LMX1B: variants seen among roughly 807,000 people sequenced by gnomAD.
LMX1B encodes the protein LIM homeobox transcription factor 1 beta, also known as LIM homeobox transcription factor 1-beta.
A neutral mutation model predicts 51.4 loss-of-function variants in LMX1B; 12 were observed. The observed-to-expected ratio is 0.23, with a 90% CI of 0.15 to 0.38. The LOEUF is 0.38. Among genes scored for constraint, LMX1B ranks in the 10% least tolerant of loss-of-function variants. The probability of loss-of-function intolerance (pLI) is 1.00; values close to 1 mark genes in which losing one functional copy is unlikely to be tolerated. For synonymous variants in LMX1B, 237 were observed against 235.4 expected (o/e 1.01, Z -0.06); for missense variants, 445 against 571.1 (o/e 0.78, Z 2.25).
At chr9:126,637,590 CA>C (rs1483587303) in intron 2 of LMX1B, among the ~76,000 whole-genome samples, 1 of 151,976 alleles carries the variant, frequency 6.6e-6, no homozygotes, top group Non-Finnish European at 1.5e-5. Context: ...TGTGTCAGGG[CA>C]TGGGAAGGGC....
At chr9:126,682,083 CTTTT>C (rs71377953) in intron 2 of LMX1B, among the ~76,000 whole-genome samples, 116 of 53,380 alleles carry the variant, frequency 2.2e-3, no homozygotes, top group Admixed American at 4.3e-3. Flanking sequence ...TCCCCAGGGT[CTTTT>C]TTTTTTTTTT....
chr9:126,682,966 G>C (rs1836704322), intron 2 of LMX1B, among the ~76,000 whole-genome samples: 1 of 150,766 alleles, frequency 6.6e-6, no homozygotes, highest in Non-Finnish European at 1.5e-5. Context: ...GGGCCTCCCT[G>C]GCCAGGCTGG....
At chr9:126,655,456 G>A (rs947442682) in intron 2 of LMX1B, among the ~76,000 whole-genome samples, 1 of 152,272 alleles carries the variant, frequency 6.6e-6, no homozygotes, top group East Asian at 1.9e-4. Flanking sequence ...AGATGGTAAG[G>A]GGAGCTTTAA....
chr9:126,682,403 T>C (rs950313184), intron 2 of LMX1B, among the ~76,000 whole-genome samples: 2 of 152,184 alleles, frequency 1.3e-5, no homozygotes, highest in African/African-American at 4.8e-5. Flanking sequence ...TGCCTTGTAG[T>C]CACCATTCGT....
At position 126,618,180 on chromosome 9, in the gene LMX1B, G is replaced by A. The variant is rs1835338863; in HGVS notation, c.326+2611G>A. ...GATATTGTCGAGTCTGTGCGTCAGC[G>A]GTATTGAGAAATTAACAATCCCCCC... is the stretch of plus-strand genomic sequence containing the variant. On this transcript the variant is annotated intron_variant, in intron 2 of 7. Transcript: ENST00000373474. The surrounding 1 kb of genome is among the most constrained non-coding windows in gnomAD (Gnocchi z 4.5). Among the ~76,000 whole-genome samples, 1 of 152,102 alleles carries A rather than the reference G, an allele frequency of 6.6e-6. No individual in the cohort carries two copies. The highest frequency in any genetic ancestry group is 6.6e-5 in the Admixed American group (1 of 15,266).
In LMX1B at chr9:126,700,914, A is replaced by C. The variant is rs1285310472; in HGVS notation, c.*4463A>C. On this transcript the variant is annotated 3_prime_UTR_variant, in exon 8 of 8. Coordinates refer to ENST00000373474, the MANE Select transcript of LMX1B (RefSeq NM_001174147.2). ...ATTTATTAGCGTTTACCACACCACC[A>C]CCCCCACCCTGCCCTCCACTCTCAC... 1 of 151,190 alleles carries C rather than the reference A, an allele frequency of 6.6e-6. No individual in the cohort carries two copies. The highest frequency in any genetic ancestry group is 1.5e-5 in the Non-Finnish European group (1 of 67,834). The allele number at this position is 151,190 out of a possible 1,614,324, so 9.4% of individuals were successfully genotyped here.
rs1448010348 is a variant in LMX1B at position 126,614,476 on chromosome 9, G to T, written c.27G>T (p.Ser9=). The T allele has an allele frequency of 1.3e-6, 2 of 1,591,026 alleles. No homozygotes were observed. The highest frequency in any genetic ancestry group is 1.7e-6 in the Non-Finnish European group (2 of 1,169,504). Residue 9 remains serine, a synonymous_variant, in exon 1 of 8, where the codon TCG becomes TCT. Transcript: ENST00000373474. The part of the protein sequence containing the change: MDIATGPE[S]LERCFPRGQT... ...TGGATATAGCAACAGGTCCCGAGTCGCTGGAGAGGTGCTTCCCTCGCGGGC... is the reference window on the plus strand; with the variant it reads ...TGGATATAGCAACAGGTCCCGAGTCTCTGGAGAGGTGCTTCCCTCGCGGGC...
At chr9:126,693,705 G>A (rs1364990886) in intron 5 of LMX1B, 41 bp from the exon 6 acceptor site, 3 of 1,577,102 alleles carry the variant, frequency 1.9e-6, no homozygotes. Flanking sequence ...TGTGCCTGGG[G>A]GCGAGGGGCA....
chr9:126,651,537 C>A (rs376459079), intron 2 of LMX1B, among the ~76,000 whole-genome samples: 1 of 152,062 alleles, frequency 6.6e-6, no homozygotes, highest in Non-Finnish European at 1.5e-5. Flanking sequence ...TCTTCTCCCC[C>A]CCTCCCAACA....
rs1265069832 is a variant in LMX1B, at chr9:126,697,480, GGAGCTCACTAGGTCAGCGAGCCCACAGC to G, written c.*1030_*1057del. 2 of 152,518 alleles carry G rather than the reference GGAGCTCACTAGGTCAGCGAGCCCACAGC, an allele frequency of 1.3e-5. No homozygotes were observed. Among genetic ancestry groups the G allele is most frequent in the Non-Finnish European group, 2.9e-5 (2 of 68,266 alleles). The allele number at this position is 152,518 out of a possible 1,614,324, so 9.4% of individuals were successfully genotyped here. ...TCCCCTCACATACCTCCAGTGACAAGGAGCTCACTAGGTCAGCGAGCCCACAGCAGCTGTGCTGTCCTGCATCCCAGAG... is the reference window on the plus strand; with the variant it reads ...TCCCCTCACATACCTCCAGTGACAAGAGCTGTGCTGTCCTGCATCCCAGAG... On this transcript the variant is annotated 3_prime_UTR_variant, in exon 8 of 8. Coordinates refer to ENST00000373474, the MANE Select transcript of LMX1B (RefSeq NM_001174147.2).
intron 2 of LMX1B, among the ~76,000 whole-genome samples, chr9:126,686,114 C>T (rs1836761711): frequency 6.6e-6 from 1 of 151,900 alleles, no homozygotes; most frequent in Non-Finnish European, 1.5e-5. Context: ...CCCGTCTCTA[C>T]TAAAAAATAC....
intron 2 of LMX1B, among the ~76,000 whole-genome samples, chr9:126,640,398 G>A (rs1425567371): frequency 1.3e-5 from 2 of 152,228 alleles, no homozygotes; most frequent in Non-Finnish European, 2.9e-5. Context: ...CAGCTGCAGA[G>A]CCAAGAAGGC....
At position 126,615,720 on chromosome 9, in the gene LMX1B, G is replaced by T. The variant is rs1266518041; in HGVS notation, c.326+151G>T. On this transcript the variant is annotated intron_variant, in intron 2 of 7. Transcript: ENST00000373474. The surrounding 1 kb of genome is among the most constrained non-coding windows in gnomAD (Gnocchi z 6.0). ...GGGTTCCGAGAGCTGCGCGTCTTGGGGCTGGGGCGGACCAGCCCAGCCCAG... is the reference window on the plus strand; with the variant it reads ...GGGTTCCGAGAGCTGCGCGTCTTGGTGCTGGGGCGGACCAGCCCAGCCCAG... The T allele has an allele frequency of 1.4e-6, 1 of 701,948 alleles. No individual in the cohort carries two copies. Among genetic ancestry groups the T allele is most frequent in the South Asian group, 2.2e-5 (1 of 45,468 alleles). The allele number at this position is 701,948 out of a possible 1,614,324, so 43.5% of individuals were successfully genotyped here. A position where few individuals can be genotyped will look rare whatever the true frequency, so the allele number is the denominator to read the frequency against.
chr9:126,678,329 CAAAAAA>C (rs942985684), intron 2 of LMX1B, among the ~76,000 whole-genome samples: 11 of 117,840 alleles, frequency 9.3e-5, no homozygotes, highest in African/African-American at 2.7e-4. Flanking sequence ...AAACAAAAAA[CAAAAAA>C]AAAAAACAAA....
intron 3 of LMX1B, 152 bp from the exon 4 acceptor site, chr9:126,692,990 G>A: frequency 1.3e-6 from 1 of 778,774 alleles, no homozygotes; most frequent in Non-Finnish European, 2.0e-6. Flanking sequence ...CCACGGGAGG[G>A]AAGGAGATCT....
At chr9:126,659,165 A>C (rs1836178908) in intron 2 of LMX1B, among the ~76,000 whole-genome samples, 1 of 152,212 alleles carries the variant, frequency 6.6e-6, no homozygotes, top group Non-Finnish European at 1.5e-5. Context: ...CACAGGCCTG[A>C]ATGGGCCCCC....
chr9:126,624,238 C>T (rs1205185146), intron 2 of LMX1B, among the ~76,000 whole-genome samples: 1 of 152,214 alleles, frequency 6.6e-6, no homozygotes, highest in Non-Finnish European at 1.5e-5. Context: ...CTCGGGGGCT[C>T]TCTTGGGCTG....
At chr9:126,689,699 G>T (rs987362203) in intron 2 of LMX1B, among the ~76,000 whole-genome samples, 4 of 151,656 alleles carry the variant, frequency 2.6e-5, no homozygotes, top group Non-Finnish European at 4.4e-5. Context: ...CACCTCTCCC[G>T]GCCCTCGTTT....
chr9:126,642,619 G>A (rs371932515), intron 2 of LMX1B, among the ~76,000 whole-genome samples: 99 of 152,316 alleles, frequency 6.5e-4, no homozygotes, highest in Middle Eastern at 3.4e-3. Flanking sequence ...CTTTGCCACC[G>A]TCTCCCTCAC....
Sources: allele counts gnomAD v4.1 joint callset (sites outside exome capture counted in the v4.1 genomes callset), GRCh38; gene constraint gnomAD v4.1.1; non-coding constraint Gnocchi (gnomAD v3.1); transcripts MANE v1.5; gene names NCBI Gene and HGNC (gene_info 2026-07-23, HGNC 2026-07-21).